Variants in FGR observed in about 807,000 individuals in gnomAD.
FGR encodes FGR proto-oncogene, Src family tyrosine kinase.
FGR carries 26 observed loss-of-function variants against 63.2 expected under a neutral mutation model. The observed-to-expected ratio is 0.41, with a 90% CI of 0.30 to 0.57. FGR has a LOEUF of 0.57. Ranked by LOEUF, FGR falls within the 20% of genes least tolerant of loss-of-function variation. The pLI is 0.27. For missense variants in FGR, 511 were observed against 690.8 expected (o/e 0.74, Z 2.92); for synonymous variants, 286 against 277.7 (o/e 1.03, Z -0.30).
intron 1 of FGR, among the ~76,000 whole-genome samples, chr1:27,625,478 A>G (rs2090005876): frequency 6.6e-6 from 1 of 152,226 alleles, no homozygotes; most frequent in Admixed American, 6.5e-5. Context: ...GCCCAAGCTC[A>G]CAATAGCACA....
intron 10 of FGR, 84 bp downstream of exon 10, chr1:27,614,766 C>T: frequency 7.1e-7 from 1 of 1,418,424 alleles, no homozygotes; most frequent in Non-Finnish European, 9.7e-7. Flanking sequence ...CGGGGCCGCC[C>T]TCCCAGGCGT....
intron 1 of FGR, among the ~76,000 whole-genome samples, chr1:27,632,318 A>T (rs1351581532): frequency 1.3e-5 from 2 of 151,680 alleles, no homozygotes; most frequent in African/African-American, 4.8e-5. Context: ...TTGTATTTTT[A>T]GTAGAGATGG....
At chr1:27,634,188 G>T (rs1557743221) in intron 1 of FGR, among the ~76,000 whole-genome samples, 1 of 152,090 alleles carries the variant, frequency 6.6e-6, no homozygotes, top group African/African-American at 2.4e-5. Flanking sequence ...AGCGCGGCCC[G>T]CCCTCTCGTT....
At chr1:27,633,453 G>C (rs1307661586) in intron 1 of FGR, among the ~76,000 whole-genome samples, 1 of 152,198 alleles carries the variant, frequency 6.6e-6, no homozygotes, top group African/African-American at 2.4e-5. Flanking sequence ...TAACTCTGCT[G>C]ACCTCCCCAG....
chr1:27,625,678 C>T (rs1425127479), intron 1 of FGR, among the ~76,000 whole-genome samples: 12 of 152,206 alleles, frequency 7.9e-5, no homozygotes, highest in East Asian at 5.8e-4. Context: ...CAGTGGCTCA[C>T]GCCTATAATC....
chr1:27,633,382 G>C (rs2090133676), intron 1 of FGR, among the ~76,000 whole-genome samples: 1 of 152,206 alleles, frequency 6.6e-6, no homozygotes. Flanking sequence ...GGGCCCCTGA[G>C]AGTACACACC....
chr1:27,623,868 C>G lies in FGR; in HGVS notation c.49G>C (p.Glu17Gln), dbSNP rs1246773632. Residue 17 changes from glutamate to glutamine, a missense_variant, in exon 3 of 13, where the codon GAG (glutamate) becomes CAG (glutamine). Transcript: ENST00000374005. The stretch of plus-strand genomic sequence containing the variant: ...AAGTCCCCTTCCAGGCCAGCATCCT[C>G]CTTGGCCGTGGCCACCGGCTCCAAT... ...KKLEPVATAKEDAGLEGDFRS... is the reference protein window; with the variant it reads ...KKLEPVATAKQDAGLEGDFRS... The G allele has an allele frequency of 1.9e-6, 3 of 1,608,608 alleles. No homozygotes were observed. Among genetic ancestry groups the G allele is most frequent in the South Asian group, 1.1e-5 (1 of 90,966 alleles).
Position 27,621,580 on chromosome 1 carries a change from A to AG in FGR, c.406_407insC (p.Val136AlafsTer2). 1 of 1,613,806 alleles carries AG rather than the reference A, an allele frequency of 6.2e-7. No individual in the cohort carries two copies. The highest frequency in any genetic ancestry group is 8.5e-7 in the Non-Finnish European group (1 of 1,179,846). On this transcript the variant is annotated frameshift_variant, in exon 5 of 13. Transcript: ENST00000374005. LOFTEE classifies it high-confidence loss of function. ...TTACTCTTCAGCTTGGATTGAGTCA[A>AG]CAGGGGCCACGTAGTTGCTGGGAAT... is the stretch of plus-strand genomic sequence containing the variant.
chr1:27,615,753 G>A lies in FGR; in HGVS notation c.774C>T (p.Ile258=). The A allele has an allele frequency of 6.2e-7, 1 of 1,607,158 alleles. No individual in the cohort carries two copies. Among genetic ancestry groups the A allele is most frequent in the East Asian group, 2.3e-5 (1 of 44,370 alleles). Residue 258 remains isoleucine, a synonymous_variant, in exon 8 of 13, where the codon ATC becomes ATT. Transcript: ENST00000374005. The surrounding 1 kb of genome is among the most constrained non-coding windows in gnomAD (Gnocchi z 7.6). The stretch of plus-strand genomic sequence containing the variant: ...GCTCCAGCGTGATGGAGCTGCGGCT[G>A]ATCTCCCAGGCGTCCTTGGCCAGGC... The part of the protein sequence containing the change: ...TLGLAKDAWE[I]SRSSITLERR...
At chr1:27,623,238 A>C in intron 3 of FGR, 94 bp from the exon 4 acceptor site, 1 of 862,796 alleles carries the variant, frequency 1.2e-6, no homozygotes, top group Non-Finnish European at 1.9e-6. Flanking sequence ...CAGGTGCTGC[A>C]CCTCCCCACT....
intron 1 of FGR, among the ~76,000 whole-genome samples, chr1:27,629,177 C>T (rs193098540): frequency 5.3e-4 from 80 of 151,946 alleles, no homozygotes; most frequent in Non-Finnish European, 4.4e-5. Flanking sequence ...GACAGAGAAA[C>T]ACAGCGTGGT....
At chr1:27,625,576 C>A (rs1056292135) in intron 1 of FGR, among the ~76,000 whole-genome samples, 3 of 152,186 alleles carry the variant, frequency 2.0e-5, no homozygotes, top group Admixed American at 6.5e-5. Context: ...ACATTATAAT[C>A]ATCTCTCTAA....
chr1:27,621,301 G>A (rs2231873), intron 5 of FGR, among the ~76,000 whole-genome samples: 18,630 of 152,112 alleles, frequency 0.12, 3,198 homozygotes, highest in African/African-American at 0.39. Flanking sequence ...CCTCATTTGT[G>A]AAATAGGATA....
intron 5 of FGR, among the ~76,000 whole-genome samples, chr1:27,619,021 C>CT (rs2089870365): frequency 6.6e-6 from 1 of 152,164 alleles, no homozygotes; most frequent in Non-Finnish European, 1.5e-5. Context: ...TTTCCTGAAG[C>CT]TTCTCCGCTC....
intron 5 of FGR, among the ~76,000 whole-genome samples, 190 bp downstream of exon 5, chr1:27,621,369 T>C (rs1321797124): frequency 6.6e-6 from 1 of 152,218 alleles, no homozygotes; most frequent in Non-Finnish European, 1.5e-5. Flanking sequence ...GCCCAGAACA[T>C]AGTACATGCT....
At chr1:27,624,210 G>T in intron 2 of FGR, 1 of 381,442 alleles carries the variant, frequency 2.6e-6, no homozygotes, top group South Asian at 6.5e-5. Flanking sequence ...ATGCTTATTT[G>T]CATATTTTTG....
intron 3 of FGR, 55 bp from the exon 4 acceptor site, chr1:27,623,199 G>C: frequency 7.5e-7 from 1 of 1,332,950 alleles, no homozygotes; most frequent in Non-Finnish European, 1.1e-6. Context: ...GCACCAAGGG[G>C]GCTGCACCCC....
intron 1 of FGR, among the ~76,000 whole-genome samples, chr1:27,629,758 T>C (rs2148531915): frequency 6.6e-6 from 1 of 152,344 alleles, no homozygotes; most frequent in South Asian, 2.1e-4. Flanking sequence ...ATGGTCTTAT[T>C]TGGTGAACCT....
chr1:27,630,838 A>G (rs929610930), intron 1 of FGR, among the ~76,000 whole-genome samples: 10 of 151,860 alleles, frequency 6.6e-5, no homozygotes, highest in African/African-American at 2.2e-4. Context: ...TATCAAACTG[A>G]GGTCCAACCC....
Sources: gnomAD v4.1 joint callset for allele counts (sites outside exome capture counted in the v4.1 genomes callset) on GRCh38, gnomAD v4.1.1 for gene constraint, Gnocchi (gnomAD v3.1) non-coding constraint, MANE v1.5 for transcripts, NCBI Gene and HGNC (gene_info 2026-07-23, HGNC 2026-07-21) for gene names.